FAM13C: variants seen among roughly 807,000 people sequenced by gnomAD.
FAM13C encodes the protein protein FAM13C.
In FAM13C, 37 loss-of-function variants were observed where a neutral mutation model predicts 73.2. The ratio of observed to expected loss-of-function variants is 0.51; its 90% CI spans 0.39 to 0.67. The LOEUF is 0.67. Among genes scored for constraint, FAM13C ranks in the 30% least tolerant of loss-of-function variants. FAM13C has a pLI of 0.00. For missense variants in FAM13C, 589 were observed against 715.6 expected (o/e 0.82, Z 2.02); for synonymous variants, 246 against 260.9 (o/e 0.94, Z 0.55).
intron 3 of FAM13C, among the ~76,000 whole-genome samples, chr10:59,336,255 G>T (rs1266400151): frequency 6.6e-6 from 1 of 152,052 alleles, no homozygotes; most frequent in East Asian, 1.9e-4. Context: ...TAATATTATT[G>T]TTTTTTATTT....
intron 4 of FAM13C, among the ~76,000 whole-genome samples, chr10:59,308,444 C>G (rs1463843652): frequency 6.6e-6 from 1 of 150,910 alleles, no homozygotes; most frequent in South Asian, 2.1e-4. Flanking sequence ...ACCATCATCA[C>G]CATCACCATC....
chr10:59,252,843 T>G lies in FAM13C; in HGVS notation c.1488A>C (p.Val496=). Residue 496 remains valine, a synonymous_variant, in exon 12 of 14, where the codon GTA becomes GTC. Coordinates refer to ENST00000618804, the MANE Select transcript of FAM13C (RefSeq NM_198215.4). ...TAGACATGGAGAGAGCTGGTGGTTT[T>G]ACTTCTTTCTTTTCATCTGGTAAAA... is the stretch of plus-strand genomic sequence containing the variant. The part of the protein sequence containing the change: ...RALLPDEKKE[V]KPPALSMSNL... 1 of 1,614,122 alleles carries G rather than the reference T, an allele frequency of 6.2e-7. No individual in the cohort carries two copies. The highest frequency in any genetic ancestry group is 2.2e-5 in the East Asian group (1 of 44,870).
intron 6 of FAM13C, among the ~76,000 whole-genome samples, chr10:59,280,185 G>T (rs1844773616): frequency 6.6e-6 from 1 of 152,168 alleles, no homozygotes; most frequent in African/African-American, 2.4e-5. Context: ...TGGAATATCT[G>T]GGAGTGAAGA....
intron 5 of FAM13C, among the ~76,000 whole-genome samples, chr10:59,286,481 C>G (rs1845561470): frequency 7.0e-6 from 1 of 143,132 alleles, no homozygotes; most frequent in Non-Finnish European, 1.5e-5. Flanking sequence ...TACCACTGCA[C>G]TTCAGCCTGG....
At chr10:59,283,247 T>A in intron 6 of FAM13C, 116 bp downstream of exon 6, 1 of 1,097,382 alleles carries the variant, frequency 9.1e-7, no homozygotes, top group Non-Finnish European at 1.4e-6. Flanking sequence ...CCTCTTGGGC[T>A]TTCATGTTGC....
chr10:59,249,574 C>T (rs1197970877), intron 13 of FAM13C, among the ~76,000 whole-genome samples: 2 of 152,130 alleles, frequency 1.3e-5, no homozygotes, highest in Non-Finnish European at 2.9e-5. Context: ...TCTCATGCCT[C>T]TTGTATGGCA....
rs139028814 is a variant in FAM13C at position 59,352,868 on chromosome 10, C to T, written c.120-394G>A. Among the ~76,000 whole-genome samples, 177 of 152,286 alleles carry T rather than the reference C, an allele frequency of 1.2e-3. 1 individual carries two copies. Among genetic ancestry groups the T allele is most frequent in the Non-Finnish European group, 1.6e-3 (108 of 68,022 alleles). Reference sequence around the variant, plus strand: ...GAAGACTCTAAGAGATTAAATCACACGCCTAATGGAAGGACTAATCCACAC... The same window carrying T: ...GAAGACTCTAAGAGATTAAATCACATGCCTAATGGAAGGACTAATCCACAC... On this transcript the variant is annotated intron_variant, in intron 2 of 13. Transcript: ENST00000618804.
chr10:59,332,912 G>A (rs1310064598), intron 3 of FAM13C, among the ~76,000 whole-genome samples: 1 of 152,126 alleles, frequency 6.6e-6, no homozygotes, highest in Admixed American at 6.5e-5. Flanking sequence ...AATTATTTTG[G>A]CTTCAAAGGG....
chr10:59,303,966 G>A (rs1232035451), intron 4 of FAM13C, among the ~76,000 whole-genome samples: 1 of 152,086 alleles, frequency 6.6e-6, no homozygotes, highest in East Asian at 1.9e-4. Flanking sequence ...TGGGCAATAT[G>A]GTGAAACCCT....
At chr10:59,343,925 T>C (rs2134196318) in intron 3 of FAM13C, among the ~76,000 whole-genome samples, 1 of 152,312 alleles carries the variant, frequency 6.6e-6, no homozygotes, top group East Asian at 1.9e-4. Flanking sequence ...CAAATGAGTC[T>C]ATAAAATACT....
At chr10:59,263,046 A>G (rs762648205) in intron 9 of FAM13C, among the ~76,000 whole-genome samples, 2 of 152,222 alleles carry the variant, frequency 1.3e-5, no homozygotes, top group Non-Finnish European at 2.9e-5. Context: ...TGGAAACGCA[A>G]ATAATTCTGG....
At chr10:59,279,652 C>G (rs1844712978) in intron 6 of FAM13C, among the ~76,000 whole-genome samples, 2 of 152,158 alleles carry the variant, frequency 1.3e-5, no homozygotes, top group African/African-American at 4.8e-5. Flanking sequence ...AAATCATAAG[C>G]AGTGGAAAAG....
At chr10:59,260,676 A>G (rs1842415024) in intron 10 of FAM13C, among the ~76,000 whole-genome samples, 1 of 152,066 alleles carries the variant, frequency 6.6e-6, no homozygotes, top group African/African-American at 2.4e-5. Flanking sequence ...TTCTTGTTGT[A>G]TCCCCACTCC....
intron 12 of FAM13C, among the ~76,000 whole-genome samples, chr10:59,251,992 G>A (rs187714054): frequency 1.3e-5 from 2 of 152,172 alleles, no homozygotes; most frequent in African/African-American, 4.8e-5. Context: ...ATATTTTGAA[G>A]GAATACTCAT....
chr10:59,305,738 T>C (rs1848174517), intron 4 of FAM13C, among the ~76,000 whole-genome samples: 1 of 152,230 alleles, frequency 6.6e-6, no homozygotes, highest in South Asian at 2.1e-4. Context: ...ATGTCCTCCA[T>C]GCCTGAACAA....
rs1351146185 is a variant in FAM13C, at chr10:59,311,218, G to A, written c.444-8354C>T. 3.3e-5 allele frequency among the ~76,000 whole-genome samples: 5 copies of A among 152,194 alleles called. 1 individual carries two copies. Among genetic ancestry groups the A allele is most frequent in the Admixed American group, 6.5e-5 (1 of 15,282 alleles). ...CCACAGCAATGCCCAGAGAATGGGT[G>A]AGCAGTGAGTCAGGTGCACAGGGCC... On this transcript the variant is annotated intron_variant, in intron 4 of 13. Transcript: ENST00000618804.
intron 9 of FAM13C, chr10:59,263,827 A>G (rs1389554756): frequency 6.5e-6 from 3 of 465,010 alleles, no homozygotes; most frequent in Admixed American, 6.7e-5. Context: ...CCACATGTTG[A>G]AATGTTCCTG....
intron 4 of FAM13C, among the ~76,000 whole-genome samples, chr10:59,303,695 G>A (rs1847866160): frequency 1.3e-5 from 2 of 152,148 alleles, no homozygotes; most frequent in Non-Finnish European, 2.9e-5. Context: ...CTAGTGGGAG[G>A]GGTTTGGGTC....
chr10:59,252,085 G>C (rs1228954418), intron 12 of FAM13C, among the ~76,000 whole-genome samples: 2 of 152,180 alleles, frequency 1.3e-5, no homozygotes, highest in South Asian at 2.1e-4. Flanking sequence ...AGAGAAATAA[G>C]TGTGGGAATA....
Sources: gnomAD v4.1 joint callset for allele counts (sites outside exome capture counted in the v4.1 genomes callset) on GRCh38, gnomAD v4.1.1 for gene constraint, MANE v1.5 for transcripts, NCBI Gene and HGNC (gene_info 2026-07-23, HGNC 2026-07-21) for gene names.